ANKRD62: variants seen among roughly 807,000 people sequenced by gnomAD.
ANKRD62 encodes the protein ankyrin repeat domain 62.
A neutral mutation model predicts 98.8 loss-of-function variants in ANKRD62; 61 were observed. The ratio of observed to expected loss-of-function variants is 0.62; its 90% CI spans 0.50 to 0.76. The LOEUF (loss-of-function observed/expected upper bound fraction) is 0.76. ANKRD62 is among the 30% of genes least tolerant of loss of function. The probability of loss-of-function intolerance (pLI) is 0.00; values close to 1 mark genes in which losing one functional copy is unlikely to be tolerated. For synonymous variants in ANKRD62, 341 were observed against 367.9 expected, an observed-to-expected ratio of 0.93 and a Z score of 0.84; for missense variants, 933 against 1,082.9, an observed-to-expected ratio of 0.86 and a Z score of 1.94.
the ANKRD62 span, among the ~76,000 whole-genome samples, chr18:12,168,416 G>C: frequency 3.9e-5 from 6 of 152,104 alleles, no homozygotes; most frequent in South Asian, 2.1e-4. Context: ...GCTTGTTTTT[G>C]TCAGGTTTGT....
intron 6 of ANKRD62, 38 bp from the exon 7 acceptor site, chr18:12,103,120 G>C (rs1329622771): frequency 1.6e-5 from 20 of 1,281,152 alleles, no homozygotes; most frequent in Non-Finnish European, 2.0e-5. Flanking sequence ...ATTGTTCTAA[G>C]TAGTTCATTT....
the ANKRD62 span, among the ~76,000 whole-genome samples, chr18:12,157,482 TTTTGTTC>T: frequency 6.6e-6 from 1 of 152,176 alleles, no homozygotes; most frequent in African/African-American, 2.4e-5. Flanking sequence ...GCCTTGCCAA[TTTTGTTC>T]TTTGGTGAAC....
chr18:12,134,970 C>G, the ANKRD62 span, among the ~76,000 whole-genome samples: 1 of 152,110 alleles, frequency 6.6e-6, no homozygotes, highest in African/African-American at 2.4e-5. Context: ...AATAGTTAAA[C>G]TAATTTACAG....
At chr18:12,107,521 G>A (rs1909441495) in intron 8 of ANKRD62, 54 bp downstream of exon 8, 2 of 1,272,220 alleles carry the variant, frequency 1.6e-6, no homozygotes, top group Non-Finnish European at 2.0e-6. Context: ...ACTATAAAAT[G>A]AATTCTAATT....
At chr18:12,106,785 T>C (rs1909422005) in intron 7 of ANKRD62, among the ~76,000 whole-genome samples, 1 of 152,132 alleles carries the variant, frequency 6.6e-6, no homozygotes, top group Non-Finnish European at 1.5e-5. Flanking sequence ...TTCAGTATCC[T>C]AGGATCCAAA....
At chr18:12,140,434 A>G in the ANKRD62 span, among the ~76,000 whole-genome samples, 1 of 152,016 alleles carries the variant, frequency 6.6e-6, no homozygotes, top group Non-Finnish European at 1.5e-5. Context: ...TGATTTTTAA[A>G]GTTTCCGGTT....
the ANKRD62 span, among the ~76,000 whole-genome samples, chr18:12,164,301 A>G: frequency 6.6e-6 from 1 of 151,924 alleles, no homozygotes; most frequent in African/African-American, 2.4e-5. Flanking sequence ...TGCTCATGGT[A>G]GCCACTAACA....
intron 8 of ANKRD62, among the ~76,000 whole-genome samples, chr18:12,109,500 G>A (rs1909488886): frequency 6.6e-6 from 1 of 152,200 alleles, no homozygotes; most frequent in Non-Finnish European, 1.5e-5. Flanking sequence ...CTTAATACTT[G>A]TAGTGTTTAC....
intron 13 of ANKRD62, 110 bp downstream of exon 13, chr18:12,126,493 A>G: frequency 9.4e-7 from 1 of 1,058,772 alleles, no homozygotes; most frequent in Admixed American, 3.0e-5. Flanking sequence ...TATATACATG[A>G]TAAACGGTTC....
At chr18:12,112,547 A>G (rs929834976) in intron 8 of ANKRD62, among the ~76,000 whole-genome samples, 1 of 152,198 alleles carries the variant, frequency 6.6e-6, no homozygotes, top group Non-Finnish European at 1.5e-5. Context: ...TCCTTACACC[A>G]TAAACAAAAA....
At chr18:12,177,461 G>C in the ANKRD62 span, among the ~76,000 whole-genome samples, 1 of 151,984 alleles carries the variant, frequency 6.6e-6, no homozygotes, top group Non-Finnish European at 1.5e-5. Context: ...GAGAGGAGAG[G>C]GTGGCAGCTA....
chr18:12,130,214 AAC>A (rs1220063151), downstream of ANKRD62, among the ~76,000 whole-genome samples: 1 of 152,138 alleles, frequency 6.6e-6, no homozygotes, highest in Non-Finnish European at 1.5e-5. Context: ...AAAAAATAAC[AAC>A]AGTTTCTCAA....
intron 3 of ANKRD62, 120 bp from the exon 4 acceptor site, chr18:12,096,076 A>T: frequency 1.4e-6 from 1 of 702,132 alleles, no homozygotes; most frequent in Admixed American, 2.9e-5. Flanking sequence ...GAAGGAAGGG[A>T]TTGCTTTTTA....
the ANKRD62 span, among the ~76,000 whole-genome samples, chr18:12,174,127 C>T: frequency 7.2e-5 from 11 of 152,184 alleles, no homozygotes; most frequent in Non-Finnish European, 1.0e-4. Context: ...TTCAGGGACA[C>T]GAATGAGGCA....
intron 8 of ANKRD62, among the ~76,000 whole-genome samples, chr18:12,113,374 T>A (rs946104882): frequency 6.6e-6 from 1 of 152,054 alleles, no homozygotes. Flanking sequence ...ACGCCTGTAA[T>A]CCCACCACTT....
At chr18:12,118,564 G>C (rs1909716021) in intron 10 of ANKRD62, among the ~76,000 whole-genome samples, 1 of 148,476 alleles carries the variant, frequency 6.7e-6, no homozygotes, top group Admixed American at 6.8e-5. Flanking sequence ...AGCCAAGTTT[G>C]TGTCATCGCA....
Position 12,097,685 on chromosome 18 carries a change from C to T in ANKRD62, c.660C>T (p.Val220=), listed in dbSNP as rs1317929698. The T allele has an allele frequency of 1.3e-5, 20 of 1,535,932 alleles. No individual in the cohort carries two copies. Among genetic ancestry groups the T allele is most frequent in the South Asian group, 4.8e-5 (4 of 84,022 alleles). ...CTCGTAATGGATCAACAAGTGTAGT[C>T]TACCAGCTTCTTCAGCACAATATTG... ...LAARNGSTSV[V]YQLLQHNIDV... Residue 220 remains valine, a synonymous_variant, in exon 5 of 14, where the codon GTC becomes GTT. Coordinates refer to ENST00000587848, the MANE Select transcript of ANKRD62 (RefSeq NM_001277333.2).
Position 12,094,038 on chromosome 18 carries a change from C to T in ANKRD62, c.21C>T (p.Phe7=). The change falls in exon 1 of 14, where the codon TTC becomes TTT. Residue 7 remains phenylalanine (F), a synonymous_variant. Transcript: ENST00000587848. The part of the protein sequence containing the change: MEVRGS[F]LAACRRRMAT... ...TCAGGATGGAGGTCAGGGGGTCGTT[C>T]CTGGCGGCCTGCAGGAGACGCATGG... 1 of 1,535,140 alleles carries T rather than the reference C, an allele frequency of 6.5e-7. No homozygotes were observed. The highest frequency in any genetic ancestry group is 8.7e-7 in the Non-Finnish European group (1 of 1,146,776).
In ANKRD62 at chr18:12,128,331, G is replaced by GTTAACTGGT. The variant is rs1474344786; in HGVS notation, c.*393_*401dup. The GTTAACTGGT allele has an allele frequency of 1.3e-5, 2 of 152,550 alleles. No individual in the cohort carries two copies. The highest frequency in any genetic ancestry group is 2.9e-5 in the Non-Finnish European group (2 of 68,394). The allele number at this position is 152,550 out of a possible 1,614,324, so 9.4% of individuals were successfully genotyped here. ...TGCTTACTTATTTCATGGGTTTCTG[G>GTTAACTGGT]TTAACTGGTACAGAAAGTCCATTCT... is the stretch of plus-strand genomic sequence containing the variant. On this transcript the variant is annotated 3_prime_UTR_variant, in exon 14 of 14. Coordinates refer to ENST00000587848, the MANE Select transcript of ANKRD62 (RefSeq NM_001277333.2).
Sources: gnomAD v4.1 joint callset for allele counts (sites outside exome capture counted in the v4.1 genomes callset) on GRCh38, gnomAD v4.1.1 for gene constraint, MANE v1.5 for transcripts, NCBI Gene and HGNC (gene_info 2026-07-23, HGNC 2026-07-21) for gene names.